Variants in CLCN4 observed in about 807,000 individuals in gnomAD.
CLCN4 encodes H(+)/Cl(-) exchange transporter 4.
CLCN4 carries 1 observed loss-of-function variant against 41.7 expected under a neutral mutation model. That is an observed-to-expected ratio of 0.02 (90% CI 0.01 to 0.11). CLCN4 has a LOEUF of 0.11. Among genes scored for constraint, CLCN4 ranks in the 10% least tolerant of loss-of-function variants. The pLI is 1.00. For synonymous variants in CLCN4, 277 were observed against 285.8 expected (o/e 0.97, Z 0.31); for missense variants, 287 against 661.0 (o/e 0.43, Z 6.20).
intron 2 of CLCN4, among the ~76,000 whole-genome samples, chrX:10,161,493 C>T (rs1923100115): frequency 1.8e-5 from 2 of 112,086 alleles, no homozygotes; most frequent in Admixed American, 1.9e-4. Context: ...ACTTAAGAGA[C>T]GGAATAGCCA....
chrX:10,189,532 G>T (rs1379136576), intron 4 of CLCN4, among the ~76,000 whole-genome samples: 4 of 112,092 alleles, frequency 3.6e-5, no homozygotes, highest in African/African-American at 1.3e-4. Flanking sequence ...GCGCACGTCA[G>T]CAGGGGAATA....
rs765209231 is a variant in CLCN4 at position 10,223,575 on chromosome X, C to T, written c.2192+2698C>T. 5.4e-5 allele frequency among the ~76,000 whole-genome samples: 6 copies of T among 111,969 alleles called. No individual in the cohort carries two copies. The South Asian group carries it at 2.2e-3, about 41-fold the overall frequency. On this transcript the variant is annotated intron_variant, in intron 12 of 12. Coordinates refer to ENST00000380833, the MANE Select transcript of CLCN4 (RefSeq NM_001830.4). ...GGCCAGCTCTCATGTTTGATGTGCTCGCCCACCCTGTACCTTCCCTGCTCG... is the reference window on the plus strand; with the variant it reads ...GGCCAGCTCTCATGTTTGATGTGCTTGCCCACCCTGTACCTTCCCTGCTCG...
intron 2 of CLCN4, among the ~76,000 whole-genome samples, chrX:10,182,465 G>A (rs142098872): frequency 0.015 from 1,707 of 112,283 alleles, 16 homozygotes; most frequent in Middle Eastern, 0.023. Flanking sequence ...TCGCTCTGTC[G>A]CGCATGCTGG....
chrX:10,160,624 C>T (rs1237916218), intron 2 of CLCN4, among the ~76,000 whole-genome samples: 1 of 111,724 alleles, frequency 9.0e-6, no homozygotes, highest in Non-Finnish European at 1.9e-5. Flanking sequence ...GATGAAACGA[C>T]ACGACATCTG....
intron 5 of CLCN4, 103 bp downstream of exon 5, chrX:10,195,201 T>C: frequency 1.2e-5 from 10 of 835,048 alleles, no homozygotes; most frequent in Non-Finnish European, 1.7e-5. Flanking sequence ...CACCTTCAAG[T>C]GCCTGCTCTG....
intron 10 of CLCN4, 55 bp downstream of exon 10, chrX:10,212,708 G>A (rs1029162556): frequency 2.4e-5 from 25 of 1,059,708 alleles, no homozygotes; most frequent in African/African-American, 3.7e-5. Context: ...TGGCTTAGAG[G>A]ACTGCCAAGA....
At chrX:10,209,487 A>G (rs1924490546) in intron 9 of CLCN4, among the ~76,000 whole-genome samples, 1 of 108,986 alleles carries the variant, frequency 9.2e-6, no homozygotes, top group East Asian at 2.9e-4. Context: ...CAGCCTCCCA[A>G]GTAGCTGGGA....
At chrX:10,216,916 T>TATATATATATATATAC (rs1555977662) in intron 11 of CLCN4, among the ~76,000 whole-genome samples, 1 of 20,428 alleles carries the variant, frequency 4.9e-5, no homozygotes, top group Admixed American at 8.4e-4. Flanking sequence ...TATATATATA[T>TATATATATATATATAC]ATACACACAC....
rs1329046048 is a variant in CLCN4, at chrX:10,237,623, A to G, written c.*4039A>G. 8.9e-6 allele frequency: 1 copy of G among 111,987 alleles called. No homozygotes were observed. The highest frequency in any genetic ancestry group is 1.9e-5 in the Non-Finnish European group (1 of 53,241). 9.2% of individuals were successfully genotyped at this position (111,987 alleles called of 1,213,427 possible). A position where few individuals can be genotyped will look rare whatever the true frequency, so the allele number is the denominator to read the frequency against. On this transcript the variant is annotated 3_prime_UTR_variant, in exon 13 of 13. Coordinates refer to ENST00000380833, the MANE Select transcript of CLCN4 (RefSeq NM_001830.4). ...TTAAATGTCTGAACTCTATTTTTAA[A>G]AATAAAACAAGCACAGAGTCTGCAA...
intron 12 of CLCN4, among the ~76,000 whole-genome samples, chrX:10,225,586 CTTTAG>C (rs1303149244): frequency 8.9e-6 from 1 of 112,128 alleles, no homozygotes; most frequent in Non-Finnish European, 1.9e-5. Flanking sequence ...TGCAGAAGCT[CTTTAG>C]TTTAATTAGA....
chrX:10,163,818 G>A (rs1220291623), intron 2 of CLCN4, among the ~76,000 whole-genome samples: 1 of 112,057 alleles, frequency 8.9e-6, no homozygotes, highest in Non-Finnish European at 1.9e-5. Context: ...TTTTATGGGG[G>A]GCTGTTCTGG....
chrX:10,230,602 T>G (rs1482244463), intron 12 of CLCN4, among the ~76,000 whole-genome samples: 1 of 112,187 alleles, frequency 8.9e-6, no homozygotes, highest in African/African-American at 3.2e-5. Flanking sequence ...GTCAACTGTG[T>G]TCATACTCAC....
At chrX:10,213,390 T>C (rs770910125) in intron 10 of CLCN4, among the ~76,000 whole-genome samples, 3 of 111,837 alleles carry the variant, frequency 2.7e-5, no homozygotes, top group Non-Finnish European at 3.8e-5. Flanking sequence ...GCAGAGCCCA[T>C]GTAGGATCCA....
intron 2 of CLCN4, among the ~76,000 whole-genome samples, chrX:10,170,729 T>C (rs1923366217): frequency 1.8e-5 from 2 of 111,988 alleles, no homozygotes; most frequent in African/African-American, 6.5e-5. Context: ...ACCACTGGTT[T>C]AGACGGTGAT....
chrX:10,191,692 ATTTTTTTTTTT>A (rs760315418), intron 4 of CLCN4, among the ~76,000 whole-genome samples: 77 of 49,775 alleles, frequency 1.5e-3, no homozygotes, highest in Non-Finnish European at 2.0e-3. Context: ...TATCTGGTTA[ATTTTTTTTTTT>A]TTTTTTTTTT....
At chrX:10,158,831 A>G (rs1185352119) in intron 2 of CLCN4, among the ~76,000 whole-genome samples, 1 of 113,154 alleles carries the variant, frequency 8.8e-6, no homozygotes, top group South Asian at 3.6e-4. Flanking sequence ...GAGGGAAAAA[A>G]CCGCTCCGGC....
intron 2 of CLCN4, among the ~76,000 whole-genome samples, chrX:10,161,173 T>A (rs1050194869): frequency 2.2e-5 from 2 of 91,028 alleles, no homozygotes; most frequent in African/African-American, 8.6e-5. Context: ...GTCTGTCTCA[T>A]CTTTCCTGGC....
chrX:10,211,505 G>A (rs185561660), intron 9 of CLCN4, among the ~76,000 whole-genome samples: 1 of 111,259 alleles, frequency 9.0e-6, no homozygotes, highest in East Asian at 2.8e-4. Flanking sequence ...GATGTTACAG[G>A]GATATAAATG....
chrX:10,162,887 G>T (rs1343081051), intron 2 of CLCN4, among the ~76,000 whole-genome samples: 1 of 113,288 alleles, frequency 8.8e-6, no homozygotes, highest in Non-Finnish European at 1.9e-5. Flanking sequence ...TAAATGAAGA[G>T]AGAGAAAGAG....
Sources: gnomAD v4.1 joint callset for allele counts (sites outside exome capture counted in the v4.1 genomes callset) on GRCh38, gnomAD v4.1.1 for gene constraint, MANE v1.5 for transcripts, NCBI Gene and HGNC (gene_info 2026-07-23, HGNC 2026-07-21) for gene names.